The following CDH4 variants were observed in gnomAD, a reference collection of about 807,000 sequenced individuals.
The protein encoded by CDH4 is cadherin 4, also known as cadherin-4.
Under a neutral mutation model 86.0 loss-of-function variants are expected in CDH4, and 33 were observed. The ratio of observed to expected loss-of-function variants is 0.38; its 90% CI spans 0.29 to 0.51. The LOEUF is 0.51. Among genes scored for constraint, CDH4 ranks in the 20% least tolerant of loss-of-function variants. The pLI is 0.86. For synonymous variants in CDH4, 555 were observed against 549.4 expected (o/e 1.01, Z -0.14); for missense variants, 1,114 against 1,307.4 (o/e 0.85, Z 2.28).
At chr20:61,921,093 C>T (rs2054976813) in intron 9 of CDH4, among the ~76,000 whole-genome samples, 1 of 143,218 alleles carries the variant, frequency 7.0e-6, no homozygotes, top group Non-Finnish European at 1.5e-5. Flanking sequence ...AGCATTGTGT[C>T]ACAGTAATTG....
rs1332436767 is a variant in CDH4 at position 61,499,440 on chromosome 20, C to T, written c.170-244123C>T. The T allele has an allele frequency of 3.9e-6, 5 of 1,288,912 alleles. No homozygotes were observed. In the African/African-American group the frequency reaches 4.5e-5, roughly 12 times the overall value. 79.8% of individuals were successfully genotyped at this position (1,288,912 alleles called of 1,614,324 possible). A position where few individuals can be genotyped will look rare whatever the true frequency, so the allele number is the denominator to read the frequency against. On this transcript the variant is annotated intron_variant, in intron 2 of 15. Coordinates refer to ENST00000614565, the MANE Select transcript of CDH4 (RefSeq NM_001794.5). Reference sequence around the variant, plus strand: ...TGGTTCAGAACAAGGATTCGATGAACGGCAGCTGTGACTTCATTCTCAGCG... The same window carrying T: ...TGGTTCAGAACAAGGATTCGATGAATGGCAGCTGTGACTTCATTCTCAGCG...
chr20:61,532,467 T>C (rs2085962801), intron 2 of CDH4, among the ~76,000 whole-genome samples: 1 of 152,206 alleles, frequency 6.6e-6, no homozygotes, highest in Admixed American at 6.5e-5. Context: ...CCACTCCTTA[T>C]GTCACCTGTG....
At position 61,524,107 on chromosome 20, in the gene CDH4, T is replaced by C. The variant is rs536693576; in HGVS notation, c.170-219456T>C. ...TGGGGAATGCTGTTTATTAAAGCTA[T>C]GGGAGAAAACCCACACAACTAAACT... On this transcript the variant is annotated intron_variant, in intron 2 of 15. Transcript: ENST00000614565. Among the ~76,000 whole-genome samples the C allele has an allele frequency of 2.0e-5, 3 of 152,306 alleles. No homozygotes were observed. In the East Asian group the frequency reaches 5.8e-4, roughly 29 times the overall value.
At chr20:61,371,336 G>C (rs6142661) in intron 2 of CDH4, among the ~76,000 whole-genome samples, 97,350 of 152,072 alleles carry the variant, frequency 0.64, 31,568 homozygotes, top group Middle Eastern at 0.78. Flanking sequence ...CTCTGAGGCC[G>C]GGGTTGGATG....
At chr20:61,542,821 C>T (rs114678599) in intron 2 of CDH4, among the ~76,000 whole-genome samples, 13 of 152,210 alleles carry the variant, frequency 8.5e-5, no homozygotes, top group African/African-American at 3.1e-4. Context: ...GGAGAATTGA[C>T]CCTCAGGATC....
chr20:61,562,875 G>T (rs1398493181), intron 2 of CDH4, among the ~76,000 whole-genome samples: 1 of 152,200 alleles, frequency 6.6e-6, no homozygotes, highest in African/African-American at 2.4e-5. Flanking sequence ...TCCTGTCCGG[G>T]ACCCCAGTCC....
intron 2 of CDH4, among the ~76,000 whole-genome samples, chr20:61,680,574 C>T (rs139472728): frequency 8.5e-5 from 13 of 152,088 alleles, no homozygotes; most frequent in South Asian, 2.1e-4. Flanking sequence ...GGGGGAAGGG[C>T]GGGGAGAAAC....
intron 4 of CDH4, among the ~76,000 whole-genome samples, chr20:61,780,308 C>G (rs541612336): frequency 6.6e-6 from 1 of 152,300 alleles, no homozygotes; most frequent in African/African-American, 2.4e-5. Flanking sequence ...CCCCTCAGCC[C>G]GGCTACTCCC....
chr20:61,499,535 C>T (rs1368861753), intron 2 of CDH4: 75 of 1,286,714 alleles, frequency 5.8e-5, no homozygotes, highest in Non-Finnish European at 6.9e-5. Context: ...TGTTTGTGGG[C>T]CACTTCTTTA....
chr20:61,472,238 G>A (rs532982128), intron 2 of CDH4, among the ~76,000 whole-genome samples: 20 of 152,186 alleles, frequency 1.3e-4, no homozygotes, highest in African/African-American at 2.9e-4. Context: ...TGAATTGACC[G>A]CTTTATCACC....
rs560205586 is a variant in CDH4 at position 61,671,341 on chromosome 20, T to C, written c.170-72222T>C. ...ATCCTGTCTCTACAAAAATTAATTT[T>C]AAAAATTAGCTGGGCACAGTGGCAC... On this transcript the variant is annotated intron_variant, in intron 2 of 15. Transcript: ENST00000614565. Among the ~76,000 whole-genome samples the C allele has an allele frequency of 2.6e-5, 4 of 152,142 alleles. No homozygotes were observed. In the South Asian group the frequency reaches 8.3e-4, roughly 32 times the overall value.
intron 7 of CDH4, among the ~76,000 whole-genome samples, chr20:61,892,500 T>A (rs1257815865): frequency 6.6e-6 from 1 of 152,140 alleles, no homozygotes; most frequent in Non-Finnish European, 1.5e-5. Context: ...AAGAGCAGGC[T>A]GAGCTGAGAG....
intron 3 of CDH4, among the ~76,000 whole-genome samples, chr20:61,751,973 G>A (rs1250191058): frequency 6.6e-6 from 1 of 152,240 alleles, no homozygotes; most frequent in Non-Finnish European, 1.5e-5. Flanking sequence ...GGTGTGGAAA[G>A]CTTCCTCGCA....
intron 2 of CDH4, among the ~76,000 whole-genome samples, chr20:61,659,339 G>C (rs2145829135): frequency 6.6e-6 from 1 of 152,316 alleles, no homozygotes; most frequent in Non-Finnish European, 1.5e-5. Flanking sequence ...TTTATAGAAT[G>C]CTCATTTAAA....
At chr20:61,855,447 G>T (rs910686067) in intron 6 of CDH4, among the ~76,000 whole-genome samples, 18 of 152,300 alleles carry the variant, frequency 1.2e-4, no homozygotes, top group Non-Finnish European at 2.9e-5. Flanking sequence ...CAAAGAAAAC[G>T]GATGAGGACA....
intron 2 of CDH4, among the ~76,000 whole-genome samples, chr20:61,648,174 AAAGG>A (rs1486102217): frequency 5.3e-5 from 8 of 152,248 alleles, no homozygotes; most frequent in African/African-American, 1.9e-4. Context: ...AGGGAACAGA[AAAGG>A]AAGATGAAGA....
chr20:61,937,515 T>C lies in CDH4; in HGVS notation c.*572T>C, dbSNP rs1409951918. On this transcript the variant is annotated 3_prime_UTR_variant, in exon 16 of 16. Transcript: ENST00000614565. ...GTTCAAATCCCAGCAGCCTTTGCTG[T>C]ACACAGCTGGGGGTCTCTTGAGCCT... The C allele has an allele frequency of 2.6e-5, 4 of 152,070 alleles. No homozygotes were observed. The highest frequency in any genetic ancestry group is 5.9e-5 in the Non-Finnish European group (4 of 67,996). The allele number at this position is 152,070 out of a possible 1,614,324, so 9.4% of individuals were successfully genotyped here.
Position 61,699,357 on chromosome 20 carries a change from G to T in CDH4, c.170-44206G>T, listed in dbSNP as rs1377766732. Among the ~76,000 whole-genome samples the T allele has an allele frequency of 7.9e-5, 12 of 152,340 alleles. No homozygotes were observed. In the East Asian group the frequency reaches 2.1e-3, roughly 27 times the overall value. On this transcript the variant is annotated intron_variant, in intron 2 of 15. Transcript: ENST00000614565. The stretch of plus-strand genomic sequence containing the variant: ...CCCAGTCATCACAAGCCCCCCCAGT[G>T]CAGGGCGGGCACTGGGGCTCCCTGG...
chr20:61,857,855 C>T (rs1983091926), intron 6 of CDH4, among the ~76,000 whole-genome samples: 1 of 152,182 alleles, frequency 6.6e-6, no homozygotes, highest in Non-Finnish European at 1.5e-5. Context: ...TAGGATCCCA[C>T]CCGTTTGACC....
Sources: gnomAD v4.1 joint callset for allele counts (sites outside exome capture counted in the v4.1 genomes callset) on GRCh38, gnomAD v4.1.1 for gene constraint, MANE v1.5 for transcripts, NCBI Gene and HGNC (gene_info 2026-07-23, HGNC 2026-07-21) for gene names.